Variants in HIVEP1 observed in about 807,000 individuals in gnomAD.
HIVEP1 encodes HIVEP zinc finger 1, also known as zinc finger protein 40.
A neutral mutation model predicts 180.0 loss-of-function variants in HIVEP1; 36 were observed. That is an observed-to-expected ratio of 0.20 (90% confidence interval 0.15 to 0.26). HIVEP1 has a LOEUF of 0.26. Ranked by LOEUF, HIVEP1 falls within the 10% of genes least tolerant of loss-of-function variation. The pLI is 1.00. For missense variants in HIVEP1, 3,143 were observed against 3,268.7 expected (o/e 0.96, Z 0.94); for synonymous variants, 1,239 against 1,239.0 (o/e 1.00, Z 0.00).
At chr6:12,086,480 AGTGGTGGTGGGAGGG>A (rs1773132254) in intron 2 of HIVEP1, among the ~76,000 whole-genome samples, 1 of 152,086 alleles carries the variant, frequency 6.6e-6, no homozygotes, top group Non-Finnish European at 1.5e-5. Context: ...CCCAGATCCC[AGTGGTGGTGGGAGGG>A]CATGATGGGG....
intron 2 of HIVEP1, among the ~76,000 whole-genome samples, chr6:12,060,569 T>G (rs1210467218): frequency 6.6e-6 from 1 of 152,246 alleles, no homozygotes; most frequent in Admixed American, 6.5e-5. Context: ...CCTCTCTCTC[T>G]CTGTCGTTTT....
At chr6:12,102,590 T>G (rs1774175640) in intron 3 of HIVEP1, among the ~76,000 whole-genome samples, 1 of 152,236 alleles carries the variant, frequency 6.6e-6, no homozygotes, top group Non-Finnish European at 1.5e-5. Context: ...CAGGTAATTC[T>G]GCATTTGAAT....
upstream of HIVEP1, among the ~76,000 whole-genome samples, chr6:12,009,793 A>G (rs979951133): frequency 6.6e-6 from 1 of 152,264 alleles, no homozygotes; most frequent in Non-Finnish European, 1.5e-5. Flanking sequence ...ATATATTTCA[A>G]ATAAAAGTTT....
At position 12,161,428 on chromosome 6, in the gene HIVEP1, G is replaced by T; in HGVS notation, c.6488-11G>T. ...GCATTCCATCACATACCTCTTGGTT[G>T]TTTTTATTAGATGAAAAACAGAGAT... On this transcript the variant is annotated splice_polypyrimidine_tract_variant and intron_variant, in intron 7 of 8. Coordinates refer to ENST00000379388, the MANE Select transcript of HIVEP1 (RefSeq NM_002114.4). The T allele has an allele frequency of 6.2e-7, 1 of 1,604,850 alleles. No homozygotes were observed. The highest frequency in any genetic ancestry group is 8.5e-7 in the Non-Finnish European group (1 of 1,174,200).
At chr6:12,109,299 T>A (rs1774730466) in intron 3 of HIVEP1, among the ~76,000 whole-genome samples, 1 of 152,218 alleles carries the variant, frequency 6.6e-6, no homozygotes, top group Admixed American at 6.5e-5. Flanking sequence ...GGCCGCCATT[T>A]CTTAAAGCAG....
chr6:12,154,524 T>C lies in HIVEP1; in HGVS notation c.6488-6915T>C, dbSNP rs73722704. On this transcript the variant is annotated intron_variant, in intron 7 of 8. Transcript: ENST00000379388. The stretch of plus-strand genomic sequence containing the variant: ...CATCCTAGTTGATTCCGTTTTTATT[T>C]ACTTACAATAGAATTTACTTTATGG... 5.8e-3 allele frequency among the ~76,000 whole-genome samples: 885 copies of C among 152,328 alleles called. 6 individuals are homozygous for C. Among genetic ancestry groups the C allele is most frequent in the African/African-American group, 0.02 (847 of 41,570 alleles).
At chr6:12,051,575 T>A (rs1250658817) in intron 2 of HIVEP1, among the ~76,000 whole-genome samples, 1 of 152,006 alleles carries the variant, frequency 6.6e-6, no homozygotes, top group Non-Finnish European at 1.5e-5. Flanking sequence ...TAGTGCATTT[T>A]ATTATTTCAC....
At chr6:12,157,109 A>T (rs1292307604) in intron 7 of HIVEP1, among the ~76,000 whole-genome samples, 1 of 152,086 alleles carries the variant, frequency 6.6e-6, no homozygotes, top group Admixed American at 6.5e-5. Context: ...ACTTCGTCTG[A>T]TATTAGTATA....
At chr6:12,087,678 C>CT (rs1446786113) in intron 2 of HIVEP1, among the ~76,000 whole-genome samples, 1 of 152,036 alleles carries the variant, frequency 6.6e-6, no homozygotes, top group African/African-American at 2.4e-5. Flanking sequence ...GCAAGCATTC[C>CT]ATATTTTTCT....
intron 3 of HIVEP1, among the ~76,000 whole-genome samples, chr6:12,107,790 C>T (rs145533792): frequency 2.1e-3 from 317 of 152,242 alleles, no homozygotes; most frequent in Non-Finnish European, 4.0e-3. Flanking sequence ...ACTGCTGGCT[C>T]GGGCAGCCTG....
rs940339495 is a variant in HIVEP1 at position 12,122,943 on chromosome 6, A to C, written c.3148A>C (p.Thr1050Pro). ...DEELQQNESG[T>P]SPKSSEGLQF... is the part of the protein sequence containing the mutation. ...AGAACTTCAGCAAAATGAAAGTGGA[A>C]CATCTCCAAAAAGTTCTGAAGGCCT... The change falls in exon 4 of 9, where the codon ACA becomes CCA. Residue 1050 changes from threonine to proline, a missense_variant. Physicochemically the swap from Thr to Pro is conservative, Grantham distance 38. This residue lies in a region of HIVEP1 where 1,357 missense variants were observed against 1,260.5 expected (regional missense o/e 1.08). Coordinates refer to ENST00000379388, the MANE Select transcript of HIVEP1 (RefSeq NM_002114.4). 9.3e-6 allele frequency: 15 copies of C among 1,613,758 alleles called. No individual in the cohort carries two copies. The highest frequency in any genetic ancestry group is 1.3e-5 in the Non-Finnish European group (15 of 1,179,940).
At chr6:12,107,787 G>A (rs1774541507) in intron 3 of HIVEP1, among the ~76,000 whole-genome samples, 1 of 152,146 alleles carries the variant, frequency 6.6e-6, no homozygotes, top group African/African-American at 2.4e-5. Context: ...GCCACTGCTG[G>A]CTCGGGCAGC....
chr6:12,182,280 T>G, the HIVEP1 span, among the ~76,000 whole-genome samples: 2 of 152,134 alleles, frequency 1.3e-5, no homozygotes, highest in Non-Finnish European at 2.9e-5. Flanking sequence ...CTTTTTTTCT[T>G]AAAACAAAAA....
chr6:12,168,428 TC>T (rs1330415292), downstream of HIVEP1, among the ~76,000 whole-genome samples: 2 of 144,474 alleles, frequency 1.4e-5, no homozygotes, highest in Non-Finnish European at 3.0e-5. Context: ...TGGCAATAAC[TC>T]CCTGCTCTCA....
chr6:12,115,730 G>C (rs2113481905), intron 3 of HIVEP1, among the ~76,000 whole-genome samples: 1 of 152,050 alleles, frequency 6.6e-6, no homozygotes, highest in South Asian at 2.1e-4. Context: ...TTTCAATGCT[G>C]GTGTACACCA....
At chr6:12,047,983 A>G (rs1770248832) in intron 2 of HIVEP1, among the ~76,000 whole-genome samples, 1 of 152,204 alleles carries the variant, frequency 6.6e-6, no homozygotes, top group Admixed American at 6.5e-5. Flanking sequence ...GCACGTGCCT[A>G]GAGGCCCTCT....
chr6:12,126,327 T>TAA (rs746500249), intron 4 of HIVEP1, among the ~76,000 whole-genome samples: 16 of 152,204 alleles, frequency 1.1e-4, no homozygotes, highest in Non-Finnish European at 2.1e-4. Flanking sequence ...CATTTAGACT[T>TAA]GTCTTGAGCT....
Position 12,123,078 on chromosome 6 carries a change from C to G in HIVEP1, c.3283C>G (p.Leu1095Val). Residue 1095 changes from leucine (L) to valine (V), a missense_variant, in exon 4 of 9, where the codon CTT becomes GTT. Leu to Val is a conservative substitution (Grantham distance 32, BLOSUM62 1). Around this residue, in one of 12 missense-constraint regions of HIVEP1, gnomAD observed 1,357 missense variants for 1,260.5 expected, o/e 1.08. Coordinates refer to ENST00000379388, the MANE Select transcript of HIVEP1 (RefSeq NM_002114.4). ...NIQLQNSHIH[L>V]VARGPEQTMD... is the part of the protein sequence containing the mutation. ...ACAGTTGCAAAACTCCCATATTCAC[C>G]TTGTTGCCAGGGGCCCTGAGCAGAC... 1.2e-6 allele frequency: 2 copies of G among 1,614,166 alleles called. No homozygotes were observed. The highest frequency in any genetic ancestry group is 1.7e-6 in the Non-Finnish European group (2 of 1,180,038).
At chr6:12,154,311 A>C (rs1480010270) in intron 7 of HIVEP1, among the ~76,000 whole-genome samples, 3 of 152,222 alleles carry the variant, frequency 2.0e-5, no homozygotes, top group African/African-American at 7.2e-5. Context: ...TGTAAGAAAC[A>C]GATTTAAAAT....
Sources: allele counts gnomAD v4.1 joint callset (sites outside exome capture counted in the v4.1 genomes callset), GRCh38; gene constraint gnomAD v4.1.1; regional missense constraint gnomAD v4.1.1; transcripts MANE v1.5; gene names NCBI Gene and HGNC (gene_info 2026-07-23, HGNC 2026-07-21).